CADM2: variants seen among roughly 807,000 people sequenced by gnomAD.
CADM2 encodes immunoglobulin superfamily member 4D.
In CADM2, 12 loss-of-function variants were observed where a neutral mutation model predicts 49.8. The observed-to-expected ratio is 0.24, with a 90% CI of 0.15 to 0.39. The LOEUF is 0.39. Ranked by LOEUF, CADM2 falls within the 10% of genes least tolerant of loss-of-function variation. The pLI is 1.00. For missense variants in CADM2, 378 were observed against 492.3 expected (o/e 0.77, Z 2.20); for synonymous variants, 214 against 175.4 (o/e 1.22, Z -1.74).
At chr3:84,996,380 C>T (rs1034739381) in intron 1 of CADM2, among the ~76,000 whole-genome samples, 1 of 151,954 alleles carries the variant, frequency 6.6e-6, no homozygotes, top group African/African-American at 2.4e-5. Context: ...CTTCATTCAC[C>T]TAATAATTAA....
chr3:85,899,093 G>A (rs966389957), intron 5 of CADM2, among the ~76,000 whole-genome samples: 2 of 148,322 alleles, frequency 1.3e-5, no homozygotes, highest in Non-Finnish European at 3.0e-5. Flanking sequence ...AGCCTCCTGA[G>A]TAGCTGGGAT....
At chr3:85,059,591 G>T (rs2036225694) in intron 1 of CADM2, among the ~76,000 whole-genome samples, 2 of 152,130 alleles carry the variant, frequency 1.3e-5, no homozygotes, top group Non-Finnish European at 2.9e-5. Flanking sequence ...CCCATATGTT[G>T]TGGGAGGAAC....
At chr3:85,962,743 G>A (rs1724992642) in intron 8 of CADM2, among the ~76,000 whole-genome samples, 1 of 151,826 alleles carries the variant, frequency 6.6e-6, no homozygotes, top group Non-Finnish European at 1.5e-5. Flanking sequence ...AGAGCCATTA[G>A]CCAATGTAAG....
At chr3:85,547,615 G>A (rs191505412) in intron 1 of CADM2, among the ~76,000 whole-genome samples, 12 of 152,266 alleles carry the variant, frequency 7.9e-5, no homozygotes, top group Admixed American at 3.3e-4. Context: ...AGGAATTTGT[G>A]ATTGCTTAGG....
intron 2 of CADM2, among the ~76,000 whole-genome samples, chr3:85,790,399 A>G (rs2108027927): frequency 6.6e-6 from 1 of 152,334 alleles, no homozygotes; most frequent in South Asian, 2.1e-4. Flanking sequence ...ACTGGAAACA[A>G]TCCAGGGGTT....
At chr3:85,744,963 G>A (rs1051561734) in intron 2 of CADM2, among the ~76,000 whole-genome samples, 1 of 152,180 alleles carries the variant, frequency 6.6e-6, no homozygotes, top group African/African-American at 2.4e-5. Context: ...GAGGGTTCAA[G>A]ATGTTATTGT....
intron 2 of CADM2, among the ~76,000 whole-genome samples, chr3:85,743,886 TTAAG>T: frequency 6.6e-6 from 1 of 152,100 alleles, no homozygotes; most frequent in African/African-American, 2.4e-5. Context: ...AAATATATAT[TTAAG>T]TAGTTAAGAT....
chr3:85,270,834 G>A (rs888059589), intron 1 of CADM2, among the ~76,000 whole-genome samples: 1 of 151,360 alleles, frequency 6.6e-6, no homozygotes, highest in Non-Finnish European at 1.5e-5. Flanking sequence ...AACATTGACT[G>A]CTTCTAAGTG....
intron 4 of CADM2, among the ~76,000 whole-genome samples, chr3:85,883,922 T>G (rs1448419255): frequency 6.6e-6 from 1 of 152,216 alleles, no homozygotes; most frequent in African/African-American, 2.4e-5. Context: ...TTTAGTGCAT[T>G]TAAATGACCC....
chr3:85,033,111 C>T (rs1352207148), intron 1 of CADM2, among the ~76,000 whole-genome samples: 6 of 152,080 alleles, frequency 3.9e-5, no homozygotes, highest in Admixed American at 3.9e-4. Flanking sequence ...AAATCAAAAG[C>T]TATGTCTCCA....
chr3:86,017,203 T>C (rs1336369456), intron 8 of CADM2, among the ~76,000 whole-genome samples: 1 of 149,570 alleles, frequency 6.7e-6, no homozygotes, highest in Non-Finnish European at 1.5e-5. Flanking sequence ...TAATTTACAC[T>C]ATATAGATAT....
intron 1 of CADM2, among the ~76,000 whole-genome samples, chr3:84,985,070 G>A (rs1285130194): frequency 1.3e-5 from 2 of 152,060 alleles, no homozygotes; most frequent in African/African-American, 4.8e-5. Context: ...TGGTACGTGG[G>A]TTTATGTTTT....
intron 6 of CADM2, among the ~76,000 whole-genome samples, chr3:85,924,591 A>AT (rs1719581532): frequency 7.6e-6 from 1 of 131,100 alleles, no homozygotes; most frequent in African/African-American, 3.0e-5. Context: ...AACAACATCT[A>AT]AAAATAAATA....
At position 85,468,108 on chromosome 3, in the gene CADM2, C is replaced by G. The variant is rs1382751898; in HGVS notation, c.62-258414C>G. On this transcript the variant is annotated intron_variant, in intron 1 of 9. Coordinates refer to ENST00000383699, the MANE Select transcript of CADM2 (RefSeq NM_001167675.2). ...GGCGGAGCTTGCAGTGAGCCGAGATCCCGCCACTGCACTCCAGCCTGGGCG... is the reference window on the plus strand; with the variant it reads ...GGCGGAGCTTGCAGTGAGCCGAGATGCCGCCACTGCACTCCAGCCTGGGCG... Among the ~76,000 whole-genome samples, 8 of 135,426 alleles carry G rather than the reference C, an allele frequency of 5.9e-5. No homozygotes were observed. In the East Asian group the frequency reaches 1.9e-3, roughly 32 times the overall value. The allele number at this position is 135,426 out of a possible 152,430, so 88.8% of individuals were successfully genotyped here.
At chr3:85,277,928 C>T (rs551875432) in intron 1 of CADM2, among the ~76,000 whole-genome samples, 3 of 151,308 alleles carry the variant, frequency 2.0e-5, no homozygotes, top group African/African-American at 7.2e-5. Context: ...CTCATTTAGG[C>T]TACAATATTG....
chr3:85,128,483 A>G (rs2039111507), intron 1 of CADM2, among the ~76,000 whole-genome samples: 1 of 152,174 alleles, frequency 6.6e-6, no homozygotes, highest in Admixed American at 6.5e-5. Context: ...GTATAGCTTA[A>G]CATTTCTAAC....
intron 1 of CADM2, among the ~76,000 whole-genome samples, chr3:85,354,643 A>AGAGAGAGAG (rs71108278): frequency 1.3e-5 from 2 of 149,098 alleles, no homozygotes; most frequent in African/African-American, 2.5e-5. Flanking sequence ...AGAGAGAGAG[A>AGAGAGAGAG]AGCCTATTCT....
chr3:85,321,116 A>ATTTTT lies in CADM2; in HGVS notation c.61+361494_61+361498dup, dbSNP rs1157576505. ...CATATATATATATATATATATATAT[A>ATTTTT]TTTTTTTTTTTTTTTTTTTTTTTTT... On this transcript the variant is annotated intron_variant, in intron 1 of 9. Transcript: ENST00000383699. 3.3e-4 allele frequency among the ~76,000 whole-genome samples: 9 copies of ATTTTT among 27,486 alleles called. 1 individual carries two copies. The highest frequency in any genetic ancestry group is 4.6e-4 in the Non-Finnish European group (7 of 15,268). The allele number at this position is 27,486 out of a possible 152,430, so 18.0% of individuals were successfully genotyped here.
Position 85,769,552 on chromosome 3 carries a change from T to C in CADM2, c.89-32495T>C, listed in dbSNP as rs1577267739. 2.6e-5 allele frequency among the ~76,000 whole-genome samples: 2 copies of C among 77,152 alleles called. 1 individual carries two copies. The highest frequency in any genetic ancestry group is 7.2e-4 in the South Asian group (2 of 2,764). The allele number at this position is 77,152 out of a possible 152,430, so 50.6% of individuals were successfully genotyped here. ...ATGTATATATACACGTATATACATA[T>C]ATGTATATATACACGTATATACATA... On this transcript the variant is annotated intron_variant, in intron 2 of 9. Coordinates refer to ENST00000383699, the MANE Select transcript of CADM2 (RefSeq NM_001167675.2).
Sources: gnomAD v4.1 joint callset for allele counts (sites outside exome capture counted in the v4.1 genomes callset) on GRCh38, gnomAD v4.1.1 for gene constraint, MANE v1.5 for transcripts, NCBI Gene and HGNC (gene_info 2026-07-23, HGNC 2026-07-21) for gene names.